Variants in DACT1 observed in about 807,000 individuals in gnomAD.
DACT1 encodes the protein dishevelled binding antagonist of beta catenin 1, also known as dapper homolog 1.
DACT1 carries 19 observed loss-of-function variants against 35.3 expected under a neutral mutation model. The ratio of observed to expected loss-of-function variants is 0.54; its 90% CI spans 0.38 to 0.79. The LOEUF is 0.79. DACT1 is among the 30% of genes least tolerant of loss of function. The pLI is 0.00. For synonymous variants in DACT1, 545 were observed against 466.7 expected (o/e 1.17, Z -2.16); for missense variants, 1,143 against 1,057.5 (o/e 1.08, Z -1.12).
intron 1 of DACT1, 52 bp from the exon 2 acceptor site, chr14:58,640,684 G>A: frequency 1.2e-6 from 2 of 1,604,254 alleles, no homozygotes; most frequent in Admixed American, 1.7e-5. Flanking sequence ...AGACTTTCTG[G>A]TTCTTTTGTC....
At position 58,646,298 on chromosome 14, in the gene DACT1, T is replaced by C. The variant is rs202193644; in HGVS notation, c.1564T>C (p.Phe522Leu). The change falls in exon 4 of 4, where the codon TTT (phenylalanine) becomes CTT (leucine). Residue 522 changes from phenylalanine to leucine, a missense_variant. By Grantham distance (22) the Phe-to-Leu change is conservative. Transcript: ENST00000395153. Reference sequence around the variant, plus strand: ...GGAAGCGCACCTGGTCAAGGCCCAGTTTATCCCGGGGCAGCAGCCCAGTGT... The same window carrying C: ...GGAAGCGCACCTGGTCAAGGCCCAGCTTATCCCGGGGCAGCAGCCCAGTGT... ...LEEAHLVKAQFIPGQQPSVRL... is the reference protein window; with the variant it reads ...LEEAHLVKAQLIPGQQPSVRL... 1 of 1,611,146 alleles carries C rather than the reference T, an allele frequency of 6.2e-7. No individual in the cohort carries two copies. The highest frequency in any genetic ancestry group is 2.2e-5 in the East Asian group (1 of 44,858).
rs1453634622 is a variant in DACT1, at chr14:58,647,297, C to G, written c.*163C>G. The G allele has an allele frequency of 7.5e-6, 6 of 795,946 alleles. No individual in the cohort carries two copies. In the African/African-American group the frequency reaches 8.8e-5, roughly 12 times the overall value. 49.3% of individuals were successfully genotyped at this position (795,946 alleles called of 1,614,324 possible). ...ATTGTTTCATCTTCACGTATGGATG[C>G]TAGTGCCTTTAATGGAAGGTAAAGA... On this transcript the variant is annotated 3_prime_UTR_variant, in exon 4 of 4. Coordinates refer to ENST00000395153, the MANE Select transcript of DACT1 (RefSeq NM_001079520.2).
In DACT1 at chr14:58,646,414, C is replaced by T. The variant is rs749100934; in HGVS notation, c.1680C>T (p.Gly560=). Reference sequence around the variant, plus strand: ...CAGCCCTCCAGGGGCTGGAGAACGGCTTGCCCACCGTCAGGGAGAAAACGC... The same window carrying T: ...CAGCCCTCCAGGGGCTGGAGAACGGTTTGCCCACCGTCAGGGAGAAAACGC... ...RGPALQGLEN[G]LPTVREKTRA... is the part of the protein sequence containing the mutation. Residue 560 remains glycine, a synonymous_variant, in exon 4 of 4, where the codon GGC becomes GGT. Transcript: ENST00000395153. The T allele has an allele frequency of 1.8e-5, 29 of 1,600,084 alleles. 1 individual carries two copies. The Middle Eastern group carries it at 1.0e-3, about 55-fold the overall frequency.
Position 58,645,672 on chromosome 14 carries a change from C to T in DACT1, c.938C>T (p.Thr313Ile). ...ATTCTGAGCCTGGTCCAGAAAAAAA[C>T]ACACCCTGTAAGGACCAACAAACCA... ...GYILSLVQKK[T>I]HPVRTNKPRT... Residue 313 changes from threonine to isoleucine, a missense_variant, in exon 4 of 4, where the codon ACA becomes ATA. By Grantham distance (89) the Thr-to-Ile change is moderately conservative. This residue lies in a region of DACT1 where 1,054 missense variants were observed against 958.8 expected (regional missense o/e 1.10). Coordinates refer to ENST00000395153, the MANE Select transcript of DACT1 (RefSeq NM_001079520.2). 6.2e-7 allele frequency: 1 copy of T among 1,614,226 alleles called. No individual in the cohort carries two copies. The highest frequency in any genetic ancestry group is 8.5e-7 in the Non-Finnish European group (1 of 1,180,050).
At chr14:58,643,410 T>TGGA (rs2047645590) in intron 3 of DACT1, among the ~76,000 whole-genome samples, 1 of 152,230 alleles carries the variant, frequency 6.6e-6, no homozygotes, top group Non-Finnish European at 1.5e-5. Flanking sequence ...GGTATAAGCC[T>TGGA]GAATTTTTGA....
rs1348608093 is a variant in DACT1, at chr14:58,646,885, C to T, written c.2151C>T (p.Phe717=). The T allele has an allele frequency of 1.2e-6, 2 of 1,613,060 alleles. No individual in the cohort carries two copies. Among genetic ancestry groups the T allele is most frequent in the East Asian group, 2.2e-5 (1 of 44,728 alleles). Residue 717 remains phenylalanine, a synonymous_variant, in exon 4 of 4, where the codon TTC becomes TTT. Coordinates refer to ENST00000395153, the MANE Select transcript of DACT1 (RefSeq NM_001079520.2). ...DEQSNYTTNC[F]GDSESSVSEG... ...AGAGCAATTACACCACCAACTGCTT[C>T]GGGGACAGCGAGTCGAGTGTGAGCG...
chr14:58,637,532 G>C (rs1305138478), upstream of DACT1, among the ~76,000 whole-genome samples: 1 of 152,224 alleles, frequency 6.6e-6, no homozygotes, highest in Non-Finnish European at 1.5e-5. Flanking sequence ...GGCCGTGTGG[G>C]GAAAGGGTTA....
rs574353920 is a variant in DACT1, at chr14:58,645,586, G to A, written c.852G>A (p.Pro284=). The change falls in exon 4 of 4, where the codon CCG becomes CCA. Residue 284 remains proline (P), a synonymous_variant. Transcript: ENST00000395153. ...LDAVKTDSSL[P]SPSSLWSASH... ...CCGTCAAAACAGACAGTTCCTTACC[G>A]TCCCCAAGCAGTCTGTGGTCTGCTT... 23 of 1,614,080 alleles carry A rather than the reference G, an allele frequency of 1.4e-5. No homozygotes were observed. Among genetic ancestry groups the A allele is most frequent in the Middle Eastern group, 1.6e-4 (1 of 6,062 alleles).
chr14:58,638,466 G>C lies in DACT1; in HGVS notation c.264G>C (p.Glu88Asp). 7.4e-7 allele frequency: 1 copy of C among 1,359,144 alleles called. No individual in the cohort carries two copies. Among genetic ancestry groups the C allele is most frequent in the Non-Finnish European group, 9.5e-7 (1 of 1,050,926 alleles). The allele number at this position is 1,359,144 out of a possible 1,614,324, so 84.2% of individuals were successfully genotyped here. ...GAGAAAPRAG[E>D]LLGEAAQRSR... is the part of the protein sequence containing the mutation. Reference sequence around the variant, plus strand: ...GAGCCGCTGCGCCCCGCGCTGGGGAGCTACTGGGGGAGGCGGCGCAGCGCA... The same window carrying C: ...GAGCCGCTGCGCCCCGCGCTGGGGACCTACTGGGGGAGGCGGCGCAGCGCA... The change falls in exon 1 of 4, where the codon GAG (glutamate) becomes GAC (aspartate). Residue 88 changes from glutamate (E) to aspartate (D), a missense_variant. Transcript: ENST00000395153.
In DACT1 at chr14:58,647,683, G is replaced by C. The variant is rs1369671270; in HGVS notation, c.*549G>C. On this transcript the variant is annotated 3_prime_UTR_variant, in exon 4 of 4. Coordinates refer to ENST00000395153, the MANE Select transcript of DACT1 (RefSeq NM_001079520.2). ...GGTTTTATTCTCAGAACTGTTACTA[G>C]ACTCATGACTTGGAGGCCAAACCTT... 1 of 167,156 alleles carries C rather than the reference G, an allele frequency of 6.0e-6. No individual in the cohort carries two copies. The highest frequency in any genetic ancestry group is 1.5e-5 in the Non-Finnish European group (1 of 68,440). 10.4% of individuals were successfully genotyped at this position (167,156 alleles called of 1,614,324 possible).
chr14:58,638,430 CG>C lies in DACT1; in HGVS notation c.233del (p.Gly78ValfsTer34), dbSNP rs762806147. On this transcript the variant is annotated frameshift_variant, in exon 1 of 4. Transcript: ENST00000395153. LOFTEE classifies it high-confidence loss of function. ...TGGTCAGGGGCGCCCTGCGCGGCGC[CG>C]GGGGTGCGGGAGCCGCTGCGCCCCG... Reference protein sequence around the residue: ...LLVRGALRGAGGAGAAAPRAG... With the variant: ...LLVRGALRGAXGAGAAAPRAG... The C allele has an allele frequency of 1.5e-6, 2 of 1,325,004 alleles. No individual in the cohort carries two copies. The highest frequency in any genetic ancestry group is 9.7e-7 in the Non-Finnish European group (1 of 1,035,134). 82.1% of individuals were successfully genotyped at this position (1,325,004 alleles called of 1,614,324 possible).
At chr14:58,644,386 A>G (rs2047654093) in intron 3 of DACT1, among the ~76,000 whole-genome samples, 1 of 152,228 alleles carries the variant, frequency 6.6e-6, no homozygotes, top group Non-Finnish European at 1.5e-5. Context: ...TCATATTAAA[A>G]AAGTTTTTTT....
chr14:58,639,569 TTTC>T (rs1253908756), intron 1 of DACT1, among the ~76,000 whole-genome samples: 1 of 152,156 alleles, frequency 6.6e-6, no homozygotes, highest in Non-Finnish European at 1.5e-5. Flanking sequence ...TTTCAGATCA[TTTC>T]TTTTCTCTGT....
intron 1 of DACT1, 59 bp downstream of exon 1, chr14:58,638,606 A>C: frequency 7.7e-7 from 1 of 1,291,092 alleles, no homozygotes; most frequent in Non-Finnish European, 9.8e-7. Flanking sequence ...GAGGTCGGGC[A>C]GGTGGCCTGG....
chr14:58,645,285 A>C (rs1284205630), intron 3 of DACT1, 84 bp from the exon 4 acceptor site: 2 of 1,614,142 alleles, frequency 1.2e-6, no homozygotes, highest in Non-Finnish European at 1.7e-6. Context: ...GAATATAAAG[A>C]AGGCCACTGT....
At position 58,646,760 on chromosome 14, in the gene DACT1, T is replaced by A. The variant is rs749354343; in HGVS notation, c.2026T>A (p.Tyr676Asn). ...GLYPAPVPLP[Y>N]ASPYAYVASD... is the part of the protein sequence containing the mutation. Reference sequence around the variant, plus strand: ...GTACCCCGCGCCTGTGCCTCTGCCCTACGCCAGCCCCTACGCCTACGTGGC... The same window carrying A: ...GTACCCCGCGCCTGTGCCTCTGCCCAACGCCAGCCCCTACGCCTACGTGGC... Residue 676 changes from tyrosine (Y) to asparagine (N), a missense_variant, in exon 4 of 4, where the codon TAC becomes AAC. By Grantham distance (143) the Tyr-to-Asn change is moderately radical (BLOSUM62 -2). This residue lies in a region of DACT1 where 1,054 missense variants were observed against 958.8 expected (regional missense o/e 1.10). Coordinates refer to ENST00000395153, the MANE Select transcript of DACT1 (RefSeq NM_001079520.2). 2.2e-5 allele frequency: 35 copies of A among 1,613,938 alleles called. No individual in the cohort carries two copies. In the Admixed American group the frequency reaches 5.5e-4, roughly 25 times the overall value.
chr14:58,638,413 G>T lies in DACT1; in HGVS notation c.211G>T (p.Gly71Cys), dbSNP rs761281299. 7.6e-6 allele frequency: 10 copies of T among 1,307,626 alleles called. No homozygotes were observed. Among genetic ancestry groups the T allele is most frequent in the Non-Finnish European group, 9.7e-6 (10 of 1,027,530 alleles). The allele number at this position is 1,307,626 out of a possible 1,614,324, so 81.0% of individuals were successfully genotyped here. ...CCAGCGCCAAGAGCTGCTGGTCAGG[G>T]GCGCCCTGCGCGGCGCCGGGGGTGC... is the stretch of plus-strand genomic sequence containing the variant. ...LRQRQELLVR[G>C]ALRGAGGAGA... The change falls in exon 1 of 4, where the codon GGC (glycine) becomes TGC (cysteine). Residue 71 changes from glycine to cysteine, a missense_variant. Gly to Cys is a radical substitution (Grantham distance 159, BLOSUM62 -3). Around this residue, in one of 3 missense-constraint regions of DACT1, gnomAD observed 1,054 missense variants for 958.8 expected, o/e 1.10. Coordinates refer to ENST00000395153, the MANE Select transcript of DACT1 (RefSeq NM_001079520.2).
At chr14:58,643,853 G>A (rs909992935) in intron 3 of DACT1, among the ~76,000 whole-genome samples, 1 of 152,138 alleles carries the variant, frequency 6.6e-6, no homozygotes, top group Non-Finnish European at 1.5e-5. Context: ...GTTAGCTAGA[G>A]AGGTTTCCTT....
chr14:58,645,585 C>A lies in DACT1; in HGVS notation c.851C>A (p.Pro284Gln). 6.2e-7 allele frequency: 1 copy of A among 1,614,124 alleles called. No homozygotes were observed. The highest frequency in any genetic ancestry group is 1.1e-5 in the South Asian group (1 of 91,070). ...LDAVKTDSSL[P>Q]SPSSLWSASH... is the part of the protein sequence containing the mutation. ...GCCGTCAAAACAGACAGTTCCTTAC[C>A]GTCCCCAAGCAGTCTGTGGTCTGCT... The change falls in exon 4 of 4, where the codon CCG (proline) becomes CAG (glutamine). Residue 284 changes from proline (P) to glutamine (Q), a missense_variant. Around this residue, in one of 3 missense-constraint regions of DACT1, gnomAD observed 1,054 missense variants for 958.8 expected, o/e 1.10. Coordinates refer to ENST00000395153, the MANE Select transcript of DACT1 (RefSeq NM_001079520.2).
Sources: allele counts gnomAD v4.1 joint callset (sites outside exome capture counted in the v4.1 genomes callset), GRCh38; gene constraint gnomAD v4.1.1; regional missense constraint gnomAD v4.1.1; transcripts MANE v1.5; gene names NCBI Gene and HGNC (gene_info 2026-07-23, HGNC 2026-07-21).